The following CNPY1 variants were observed in gnomAD, a reference collection of about 807,000 sequenced individuals.
CNPY1 encodes canopy FGF signaling regulator 1.
In CNPY1, 14 loss-of-function variants were observed where a neutral mutation model predicts 14.4. The observed-to-expected ratio is 0.97, with a 90% CI of 0.64 to 1.52. The LOEUF (loss-of-function observed/expected upper bound fraction) is 1.52. CNPY1 is among the 40% of genes most tolerant of loss of function. The pLI, the probability that CNPY1 is intolerant of heterozygous loss-of-function variation, is 0.00. For synonymous variants in CNPY1, 43 were observed against 46.5 expected, an observed-to-expected ratio of 0.92 and a Z score of 0.31; for missense variants, 129 against 131.5, an observed-to-expected ratio of 0.98 and a Z score of 0.09.
At chr7:155,532,506 A>C (rs1204291328) in intron 2 of CNPY1, among the ~76,000 whole-genome samples, 1 of 152,098 alleles carries the variant, frequency 6.6e-6, no homozygotes, top group African/African-American at 2.4e-5. Flanking sequence ...CTGTAGTCCC[A>C]GCTACTCGGG....
chr7:155,532,583 T>C (rs1157141233), intron 2 of CNPY1, among the ~76,000 whole-genome samples: 1 of 151,268 alleles, frequency 6.6e-6, no homozygotes, highest in African/African-American at 2.4e-5. Flanking sequence ...ATCGCGCCAC[T>C]GCACTCCAGC....
At chr7:155,542,062 C>T (rs1301775103) in intron 2 of CNPY1, among the ~76,000 whole-genome samples, 1 of 152,130 alleles carries the variant, frequency 6.6e-6, no homozygotes, top group Non-Finnish European at 1.5e-5. Context: ...CAGAAGTCTG[C>T]TGGGAAAATC....
chr7:155,529,334 A>T (rs1276262723), intron 2 of CNPY1, among the ~76,000 whole-genome samples: 1 of 152,210 alleles, frequency 6.6e-6, no homozygotes, highest in African/African-American at 2.4e-5. Flanking sequence ...ACCCTCACCC[A>T]TCACAGCTTC....
chr7:155,501,997 G>C lies in CNPY1; in HGVS notation c.*1071C>G, dbSNP rs1214281834. The C allele has an allele frequency of 7.8e-6, 1 of 128,928 alleles. No individual in the cohort carries two copies. Among genetic ancestry groups the C allele is most frequent in the Non-Finnish European group, 1.7e-5 (1 of 58,216 alleles). 8.0% of individuals were successfully genotyped at this position (128,928 alleles called of 1,614,324 possible). A position where few individuals can be genotyped will look rare whatever the true frequency, so the allele number is the denominator to read the frequency against. ...AATATGGCAAAGAGTTTTGGGTCGG[G>C]GGGGTTGGGGGGGGGATTTGTAGCA... On this transcript the variant is annotated 3_prime_UTR_variant, in exon 5 of 5. Coordinates refer to ENST00000636446, the MANE Select transcript of CNPY1 (RefSeq NM_001393663.1).
At chr7:155,522,893 T>C (rs1796750868) in intron 2 of CNPY1, among the ~76,000 whole-genome samples, 1 of 152,232 alleles carries the variant, frequency 6.6e-6, no homozygotes, top group Non-Finnish European at 1.5e-5. Flanking sequence ...AAAGAACCAT[T>C]TGAAAACAGC....
chr7:155,543,764 A>G (rs1265808987), intron 2 of CNPY1, among the ~76,000 whole-genome samples: 3 of 152,194 alleles, frequency 2.0e-5, no homozygotes, highest in African/African-American at 7.2e-5. Flanking sequence ...GTTTGCAGAG[A>G]GAAGTCTCCG....
chr7:155,542,050 G>T (rs1356511120), intron 2 of CNPY1, among the ~76,000 whole-genome samples: 3 of 151,508 alleles, frequency 2.0e-5, no homozygotes, highest in South Asian at 2.1e-4. Context: ...GGGTCGGGGG[G>T]GCAGAAGTCT....
chr7:155,525,981 G>A (rs919212482), intron 2 of CNPY1, among the ~76,000 whole-genome samples: 6 of 152,142 alleles, frequency 3.9e-5, no homozygotes, highest in Admixed American at 3.9e-4. Context: ...CAGACATTGA[G>A]AACCTATTAT....
At chr7:155,538,585 GA>G (rs1797050137) in intron 2 of CNPY1, among the ~76,000 whole-genome samples, 1 of 152,182 alleles carries the variant, frequency 6.6e-6, no homozygotes, top group Admixed American at 6.5e-5. Flanking sequence ...TGATCTGAGG[GA>G]CGTCTGCGAA....
At chr7:155,517,257 C>T (rs1288736394) in intron 2 of CNPY1, among the ~76,000 whole-genome samples, 1 of 152,126 alleles carries the variant, frequency 6.6e-6, no homozygotes, top group Admixed American at 6.5e-5. Flanking sequence ...AGGAAACCGA[C>T]ACGCACAGAG....
intron 2 of CNPY1, among the ~76,000 whole-genome samples, chr7:155,539,046 C>T (rs1490310983): frequency 6.6e-6 from 1 of 152,128 alleles, no homozygotes; most frequent in African/African-American, 2.4e-5. Flanking sequence ...CTTTCTTTGT[C>T]GCTCCCCACC....
At chr7:155,520,925 A>G (rs1213026340) in intron 2 of CNPY1, among the ~76,000 whole-genome samples, 1 of 152,130 alleles carries the variant, frequency 6.6e-6, no homozygotes, top group African/African-American at 2.4e-5. Context: ...TCAGGAGTTC[A>G]ATATGAGCCT....
At chr7:155,544,498 G>T (rs1403087940) in intron 2 of CNPY1, among the ~76,000 whole-genome samples, 1 of 152,130 alleles carries the variant, frequency 6.6e-6, no homozygotes, top group African/African-American at 2.4e-5. Context: ...TTAAGACTCA[G>T]CTTATCTTCA....
At chr7:155,530,699 G>A (rs971571221) in intron 2 of CNPY1, among the ~76,000 whole-genome samples, 1 of 152,170 alleles carries the variant, frequency 6.6e-6, no homozygotes, top group African/African-American at 2.4e-5. Flanking sequence ...TGCTGCATTT[G>A]AGTGAAGAAA....
intron 1 of CNPY1, among the ~76,000 whole-genome samples, chr7:155,546,195 T>C (rs898564597): frequency 7.9e-5 from 12 of 151,184 alleles, no homozygotes; most frequent in African/African-American, 2.7e-4. Context: ...AAATGTGCTT[T>C]TTTTTTTTTG....
chr7:155,507,335 G>C (rs1303434750), intron 3 of CNPY1, among the ~76,000 whole-genome samples: 1 of 151,928 alleles, frequency 6.6e-6, no homozygotes, highest in African/African-American at 2.4e-5. Flanking sequence ...AGTAAATGAT[G>C]AGTTGTGTTG....
At chr7:155,509,227 C>A (rs2116685042) in intron 2 of CNPY1, 130 bp from the exon 3 acceptor site, 1 of 556,434 alleles carries the variant, frequency 1.8e-6, no homozygotes, top group Non-Finnish European at 3.1e-6. Flanking sequence ...TAGCACGGGC[C>A]CAGAAGACGG....
chr7:155,509,515 A>C (rs1361876486), intron 2 of CNPY1, among the ~76,000 whole-genome samples: 2 of 151,780 alleles, frequency 1.3e-5, no homozygotes, highest in African/African-American at 4.8e-5. Context: ...GAGGGAAAGG[A>C]GGGAGAGACA....
intron 2 of CNPY1, among the ~76,000 whole-genome samples, chr7:155,530,894 C>T (rs532784250): frequency 7.9e-5 from 12 of 152,202 alleles, no homozygotes; most frequent in Non-Finnish European, 1.6e-4. Flanking sequence ...TGTCTCCAGC[C>T]ACTGCCAAAT....
Sources: allele counts gnomAD v4.1 joint callset (sites outside exome capture counted in the v4.1 genomes callset), GRCh38; gene constraint gnomAD v4.1.1; transcripts MANE v1.5; gene names NCBI Gene and HGNC (gene_info 2026-07-23, HGNC 2026-07-21).